The following CEP126 variants were observed in gnomAD, a reference collection of about 807,000 sequenced individuals.
The protein encoded by CEP126 is centrosomal protein of 126 kDa.
In CEP126, 74 loss-of-function variants were observed where a neutral mutation model predicts 107.8. That is an observed-to-expected ratio of 0.69 (90% confidence interval 0.57 to 0.83). The LOEUF is 0.83. CEP126 is among the 40% of genes least tolerant of loss of function. The pLI is 0.00. For missense variants in CEP126, 1,237 were observed against 1,281.9 expected (o/e 0.96, Z 0.53); for synonymous variants, 449 against 446.0 (o/e 1.01, Z -0.08).
At chr11:101,927,066 C>T (rs372480910) in intron 2 of CEP126, among the ~76,000 whole-genome samples, 44 of 152,148 alleles carry the variant, frequency 2.9e-4, no homozygotes, top group South Asian at 1.0e-3. Flanking sequence ...CTTTGGGAGG[C>T]CAAGGTGGGT....
intron 2 of CEP126, among the ~76,000 whole-genome samples, chr11:101,925,999 T>A (rs1409821686): frequency 6.6e-6 from 1 of 151,898 alleles, no homozygotes; most frequent in Non-Finnish European, 1.5e-5. Context: ...GAAGTTATCT[T>A]TGACTATTTA....
chr11:101,984,903 T>C (rs182557665), intron 8 of CEP126, among the ~76,000 whole-genome samples: 117 of 152,338 alleles, frequency 7.7e-4, no homozygotes, highest in Admixed American at 7.0e-3. Context: ...TACCTAAGAT[T>C]GGAAGCCTGC....
At position 102,001,007 on chromosome 11, in the gene CEP126, T is replaced by C. The variant is rs1488419842; in HGVS notation, c.*3364T>C. ...TGATAGATATTACATGGACTAAATT[T>C]TGTCAATTTCATGTAATTTACCCTT... On this transcript the variant is annotated 3_prime_UTR_variant, in exon 11 of 11. Transcript: ENST00000263468. The C allele has an allele frequency of 6.6e-6, 1 of 152,212 alleles. No homozygotes were observed. The highest frequency in any genetic ancestry group is 1.5e-5 in the Non-Finnish European group (1 of 68,038). The allele number at this position is 152,212 out of a possible 1,614,324, so 9.4% of individuals were successfully genotyped here.
At chr11:101,945,080 T>C (rs932662282) in intron 3 of CEP126, among the ~76,000 whole-genome samples, 1 of 152,170 alleles carries the variant, frequency 6.6e-6, no homozygotes. Flanking sequence ...TCTCACAACC[T>C]GTTTTGGAGA....
intron 8 of CEP126, among the ~76,000 whole-genome samples, chr11:101,984,496 T>C (rs996891043): frequency 6.6e-6 from 1 of 152,204 alleles, no homozygotes; most frequent in African/African-American, 2.4e-5. Context: ...GGTGTTTTCA[T>C]TGACCAATGA....
At chr11:101,977,646 AAAAAG>A (rs1565366927) in intron 6 of CEP126, among the ~76,000 whole-genome samples, 1 of 150,824 alleles carries the variant, frequency 6.6e-6, no homozygotes, top group African/African-American at 2.4e-5. Context: ...AAAAAAAAAA[AAAAAG>A]AAAAGAAAAA....
chr11:101,922,976 T>A (rs1940353610), intron 2 of CEP126, among the ~76,000 whole-genome samples: 1 of 152,174 alleles, frequency 6.6e-6, no homozygotes, highest in African/African-American at 2.4e-5. Context: ...AGTAGCAGTC[T>A]TTTTTTGTCA....
intron 5 of CEP126, among the ~76,000 whole-genome samples, chr11:101,960,747 C>T (rs534577127): frequency 1.3e-5 from 2 of 151,302 alleles, no homozygotes; most frequent in Middle Eastern, 3.3e-3. Flanking sequence ...TGTCTAATAC[C>T]ATAGTATGTA....
intron 2 of CEP126, among the ~76,000 whole-genome samples, chr11:101,933,429 T>C (rs560039946): frequency 1.3e-5 from 2 of 152,296 alleles, no homozygotes; most frequent in African/African-American, 4.8e-5. Flanking sequence ...CTGCCTAGTT[T>C]AGACTCCCAG....
At chr11:101,923,887 G>A (rs1940369313) in intron 2 of CEP126, among the ~76,000 whole-genome samples, 1 of 152,230 alleles carries the variant, frequency 6.6e-6, no homozygotes, top group East Asian at 1.9e-4. Context: ...CTATTTCAAG[G>A]GATTTTGGTG....
intron 2 of CEP126, among the ~76,000 whole-genome samples, chr11:101,942,934 A>G (rs1286294653): frequency 6.6e-6 from 1 of 152,080 alleles, no homozygotes; most frequent in Non-Finnish European, 1.5e-5. Context: ...TAGAAATGCA[A>G]CTGGTTTATA....
Position 101,986,942 on chromosome 11 carries a change from C to G in CEP126, c.3145C>G (p.Leu1049Val), listed in dbSNP as rs1219554797. ...TAGCAAACAGATACAGAAATCAAATCTACCTTTAAATAAAACTCAACAATT... is the reference window on the plus strand; with the variant it reads ...TAGCAAACAGATACAGAAATCAAATGTACCTTTAAATAAAACTCAACAATT... ...LNSKQIQKSN[L>V]PLNKTQQFNI... The change falls in exon 9 of 11, where the codon CTA becomes GTA. Residue 1049 changes from leucine to valine, a missense_variant. Leu to Val is a conservative substitution (Grantham distance 32). Around this residue, in one of 3 missense-constraint regions of CEP126, gnomAD observed 99 missense variants for 114.4 expected, o/e 0.87. Transcript: ENST00000263468. The G allele has an allele frequency of 1.2e-6, 2 of 1,613,692 alleles. No homozygotes were observed. The highest frequency in any genetic ancestry group is 1.7e-6 in the Non-Finnish European group (2 of 1,179,746).
intron 2 of CEP126, among the ~76,000 whole-genome samples, chr11:101,936,420 C>T (rs1940579616): frequency 6.6e-6 from 1 of 150,418 alleles, no homozygotes; most frequent in East Asian, 2.1e-4. Flanking sequence ...ACCTTGTATT[C>T]TAAGAACTTG....
At chr11:101,956,487 C>G in intron 4 of CEP126, 1 of 456,604 alleles carries the variant, frequency 2.2e-6, no homozygotes, top group Non-Finnish European at 4.4e-6. Flanking sequence ...CCACCAGCCT[C>G]AGTTCTCTCC....
intron 4 of CEP126, among the ~76,000 whole-genome samples, chr11:101,949,822 A>G (rs113552415): frequency 6.6e-6 from 1 of 152,192 alleles, no homozygotes; most frequent in Non-Finnish European, 1.5e-5. Context: ...CAAAGTCAGT[A>G]TTACCAACAC....
intron 2 of CEP126, among the ~76,000 whole-genome samples, chr11:101,934,032 A>G (rs549634585): frequency 2.0e-5 from 3 of 152,076 alleles, no homozygotes; most frequent in Admixed American, 6.5e-5. Flanking sequence ...ATACTCACAG[A>G]TAGATACAAA....
At chr11:101,922,822 C>A in intron 2 of CEP126, 62 bp downstream of exon 2, 2 of 1,372,376 alleles carry the variant, frequency 1.5e-6, no homozygotes, top group South Asian at 1.3e-5. Context: ...GTAATAGTTT[C>A]TCTACTTTGT....
At chr11:101,991,034 G>A (rs1263152838) in intron 9 of CEP126, among the ~76,000 whole-genome samples, 1 of 151,936 alleles carries the variant, frequency 6.6e-6, no homozygotes, top group Non-Finnish European at 1.5e-5. Flanking sequence ...AAATTAGTCA[G>A]GCATGGTGGC....
chr11:101,989,660 C>G (rs983436530), intron 9 of CEP126, among the ~76,000 whole-genome samples: 9 of 152,062 alleles, frequency 5.9e-5, no homozygotes, highest in African/African-American at 2.2e-4. Flanking sequence ...GCCTAGCATC[C>G]AAGGAAACAC....
Sources: gnomAD v4.1 joint callset for allele counts (sites outside exome capture counted in the v4.1 genomes callset) on GRCh38, gnomAD v4.1.1 for gene constraint, gnomAD v4.1.1 regional missense constraint, MANE v1.5 for transcripts, NCBI Gene and HGNC (gene_info 2026-07-23, HGNC 2026-07-21) for gene names.